The following TGS1 variants were observed in gnomAD, a reference collection of about 807,000 sequenced individuals.
TGS1 encodes the protein trimethylguanosine synthase 1.
A neutral mutation model predicts 92.2 loss-of-function variants in TGS1; 69 were observed. That is an observed-to-expected ratio of 0.75 (90% CI 0.62 to 0.91). The LOEUF (loss-of-function observed/expected upper bound fraction) is 0.91. Ranked by LOEUF, TGS1 falls within the 40% of genes least tolerant of loss-of-function variation. The pLI is 0.00. For synonymous variants in TGS1, 345 were observed against 338.1 expected (o/e 1.02, Z -0.22); for missense variants, 1,062 against 1,001.2 (o/e 1.06, Z -0.82).
chr8:55,797,832 T>G (rs1373554128), intron 7 of TGS1, among the ~76,000 whole-genome samples: 1 of 152,220 alleles, frequency 6.6e-6, no homozygotes, highest in Admixed American at 6.5e-5. Flanking sequence ...TTTTTAAGGC[T>G]AGTCAGATGA....
chr8:55,814,694 T>G (rs1803429208), intron 12 of TGS1, among the ~76,000 whole-genome samples: 1 of 145,048 alleles, frequency 6.9e-6, no homozygotes. Flanking sequence ...TATATATATA[T>G]ATATGTACAC....
At chr8:55,813,949 T>G (rs915582094) in intron 12 of TGS1, among the ~76,000 whole-genome samples, 4 of 152,106 alleles carry the variant, frequency 2.6e-5, no homozygotes, top group African/African-American at 9.7e-5. Flanking sequence ...GTTGTTGTTT[T>G]TGTTTTTGTT....
In TGS1 at chr8:55,782,752, C is replaced by T. The variant is rs756384821; in HGVS notation, c.106C>T (p.Arg36Ter). 9 of 1,609,330 alleles carry T rather than the reference C, an allele frequency of 5.6e-6. No individual in the cohort carries two copies. The highest frequency in any genetic ancestry group is 4.5e-5 in the East Asian group (2 of 44,636). Residue 36 changes from arginine (R) to a stop codon, truncating the protein, a stop_gained, in exon 2 of 13, where the codon CGA becomes TGA. Transcript: ENST00000260129. LOFTEE classifies it high-confidence loss of function. ...CLCSRAFVED[R>*]KLYNLGLKGY... is the part of the protein sequence containing the mutation. ...ACTGCTTAATCTGCTTCGCAGGGAT[C>T]GAAAATTGTACAATTTGGGATTAAA...
In TGS1 at chr8:55,811,072, A is replaced by G; in HGVS notation, c.2335A>G (p.Ile779Val). Residue 779 changes from isoleucine (I) to valine (V), a missense_variant, in exon 11 of 13, where the codon ATT (isoleucine) becomes GTT (valine). Physicochemically the swap from Ile to Val is conservative, Grantham distance 29 (BLOSUM62 3). Coordinates refer to ENST00000260129, the MANE Select transcript of TGS1 (RefSeq NM_024831.8). ...CTATGCCACTGCAGAGACCTTTGAC[A>G]TTAGAACAATGATGTCTCCTGATGG... ...PDYATAETFD[I>V]RTMMSPDGFE... The G allele has an allele frequency of 2.5e-6, 4 of 1,607,596 alleles. No individual in the cohort carries two copies. The highest frequency in any genetic ancestry group is 1.1e-5 in the South Asian group (1 of 91,004).
chr8:55,778,116 A>G (rs537758440), intron 1 of TGS1, among the ~76,000 whole-genome samples: 1 of 152,208 alleles, frequency 6.6e-6, no homozygotes, highest in South Asian at 2.1e-4. Flanking sequence ...TACTAAAAAT[A>G]CAAAAAATTA....
At chr8:55,790,058 A>G in intron 4 of TGS1, 124 bp from the exon 5 acceptor site, 1 of 672,982 alleles carries the variant, frequency 1.5e-6, no homozygotes, top group Admixed American at 2.3e-5. Context: ...GTGAGCTGGC[A>G]CTTTGATGCA....
intron 4 of TGS1, among the ~76,000 whole-genome samples, chr8:55,787,688 G>A (rs1329833359): frequency 2.0e-5 from 3 of 152,164 alleles, no homozygotes; most frequent in Non-Finnish European, 2.9e-5. Flanking sequence ...AGTACGGTGC[G>A]ATGAGAATGT....
At chr8:55,780,294 C>T (rs904375322) in intron 1 of TGS1, among the ~76,000 whole-genome samples, 1 of 151,920 alleles carries the variant, frequency 6.6e-6, no homozygotes, top group Non-Finnish European at 1.5e-5. Context: ...CTCAGCCTCC[C>T]ATATAGCTAG....
chr8:55,806,387 A>G (rs1812374411), intron 10 of TGS1, among the ~76,000 whole-genome samples: 2 of 106,464 alleles, frequency 1.9e-5, no homozygotes, highest in South Asian at 5.9e-4. Context: ...AGACAAAAGA[A>G]AAAAAAAAAC....
chr8:55,785,049 GTGTTTTTTGTTTTT>G (rs374848178), intron 2 of TGS1, among the ~76,000 whole-genome samples: 2 of 151,350 alleles, frequency 1.3e-5, no homozygotes, highest in Non-Finnish European at 2.9e-5. Context: ...CTGTCAATTG[GTGTTTTTTGTTTTT>G]TGTTTTTTGT....
intron 4 of TGS1, among the ~76,000 whole-genome samples, chr8:55,789,657 C>T (rs535747870): frequency 6.6e-6 from 1 of 152,250 alleles, no homozygotes; most frequent in East Asian, 1.9e-4. Flanking sequence ...CAGGCAGCCC[C>T]AAGAGCCAGA....
At chr8:55,815,141 A>G (rs1803442352) in intron 12 of TGS1, among the ~76,000 whole-genome samples, 1 of 152,164 alleles carries the variant, frequency 6.6e-6, no homozygotes, top group Non-Finnish European at 1.5e-5. Context: ...ATGCTGATTA[A>G]CTTTTTCTAG....
At chr8:55,797,294 TAAG>T (rs1284797720) in intron 7 of TGS1, among the ~76,000 whole-genome samples, 2 of 152,120 alleles carry the variant, frequency 1.3e-5, no homozygotes, top group African/African-American at 4.8e-5. Context: ...TCAGATCTCA[TAAG>T]AACTAACTCA....
intron 9 of TGS1, among the ~76,000 whole-genome samples, chr8:55,804,306 T>C (rs893365258): frequency 6.6e-6 from 1 of 152,176 alleles, no homozygotes; most frequent in African/African-American, 2.4e-5. Context: ...CTGGGCATGG[T>C]AGCGTGTGCC....
chr8:55,791,321 A>C (rs1811881165), intron 5 of TGS1, among the ~76,000 whole-genome samples: 1 of 152,196 alleles, frequency 6.6e-6, no homozygotes, highest in African/African-American at 2.4e-5. Flanking sequence ...TGTCACAAGA[A>C]ATTTTTCCAA....
chr8:55,775,329 G>A (rs890071558), intron 1 of TGS1, among the ~76,000 whole-genome samples: 53 of 152,164 alleles, frequency 3.5e-4, no homozygotes, highest in African/African-American at 1.2e-3. Context: ...GTCAAAACCC[G>A]CAGGACTTTG....
chr8:55,814,674 A>AATATATAT (rs1040682059), intron 12 of TGS1, among the ~76,000 whole-genome samples: 113 of 123,314 alleles, frequency 9.2e-4, no homozygotes, highest in African/African-American at 3.8e-3. Flanking sequence ...AAAAAAAAAA[A>AATATATAT]ATATATATAT....
chr8:55,784,549 C>T (rs1358954422), intron 2 of TGS1, among the ~76,000 whole-genome samples: 2 of 152,116 alleles, frequency 1.3e-5, no homozygotes, highest in East Asian at 3.9e-4. Context: ...TTATCTCAAA[C>T]TCCTGGCCTC....
At chr8:55,796,224 T>A in intron 7 of TGS1, 72 bp downstream of exon 7, 1 of 1,206,998 alleles carries the variant, frequency 8.3e-7, no homozygotes, top group Non-Finnish European at 1.2e-6. Context: ...AAAATTGTTG[T>A]ATTCAAATAG....
Sources: gnomAD v4.1 joint callset for allele counts (sites outside exome capture counted in the v4.1 genomes callset) on GRCh38, gnomAD v4.1.1 for gene constraint, MANE v1.5 for transcripts, NCBI Gene and HGNC (gene_info 2026-07-23, HGNC 2026-07-21) for gene names.